The following UBTD2 variants were observed in gnomAD, a reference collection of about 807,000 sequenced individuals.
UBTD2 encodes the protein ubiquitin domain containing 2.
Under a neutral mutation model 19.8 loss-of-function variants are expected in UBTD2, and 9 were observed. The ratio of observed to expected loss-of-function variants is 0.46; its 90% CI spans 0.27 to 0.79. UBTD2 has a LOEUF of 0.79. UBTD2 is among the 30% of genes least tolerant of loss of function. The pLI is 0.14. For synonymous variants in UBTD2, 98 were observed against 103.9 expected, an observed-to-expected ratio of 0.94 and a Z score of 0.35; for missense variants, 250 against 300.4, an observed-to-expected ratio of 0.83 and a Z score of 1.24.
chr5:172,268,273 C>A (rs149698455), intron 1 of UBTD2, among the ~76,000 whole-genome samples: 2 of 151,738 alleles, frequency 1.3e-5, no homozygotes, highest in South Asian at 4.1e-4. Flanking sequence ...ATGAGAAAAA[C>A]GCTCAGAGTT....
chr5:172,251,465 CAAA>C lies in UBTD2; in HGVS notation c.71-17110_71-17108del, dbSNP rs59810255. ...CCCAAGACATTATAATCAAACTGTC[CAAA>C]AAAAAAAAAAAAAAAAAATCAGAGA... On this transcript the variant is annotated intron_variant, in intron 1 of 2. Transcript: ENST00000393792. 1.0e-3 allele frequency among the ~76,000 whole-genome samples: 94 copies of C among 91,940 alleles called. 2 individuals carry two copies. Among genetic ancestry groups the C allele is most frequent in the African/African-American group, 3.1e-3 (75 of 24,532 alleles). The allele number at this position is 91,940 out of a possible 152,430, so 60.3% of individuals were successfully genotyped here.
At chr5:172,265,892 A>T (rs908472973) in intron 1 of UBTD2, among the ~76,000 whole-genome samples, 8 of 151,702 alleles carry the variant, frequency 5.3e-5, no homozygotes, top group Admixed American at 3.3e-4. Context: ...GGGGCATGCT[A>T]GTTTTAAGAA....
intron 2 of UBTD2, among the ~76,000 whole-genome samples, chr5:172,220,719 GA>G (rs1456815383): frequency 6.6e-6 from 1 of 152,170 alleles, no homozygotes; most frequent in Non-Finnish European, 1.5e-5. Flanking sequence ...ACAAGACAAG[GA>G]TGTCCCCTCT....
intron 1 of UBTD2, among the ~76,000 whole-genome samples, chr5:172,241,937 G>C (rs547367035): frequency 6.6e-6 from 1 of 152,258 alleles, no homozygotes; most frequent in Admixed American, 6.5e-5. Context: ...AGGATCACTA[G>C]AGCCTGGGAG....
chr5:172,245,866 C>T (rs1001311681), intron 1 of UBTD2, among the ~76,000 whole-genome samples: 12 of 152,152 alleles, frequency 7.9e-5, no homozygotes, highest in African/African-American at 2.7e-4. Context: ...CAGAACATGC[C>T]GGCTGAACCT....
rs1771576473 is a variant in UBTD2, at chr5:172,217,887, T to C, written c.308-5660A>G. Among the ~76,000 whole-genome samples the C allele has an allele frequency of 3.9e-5, 6 of 152,226 alleles. No homozygotes were observed. In the South Asian group the frequency reaches 1.0e-3, roughly 26 times the overall value. ...AAGGAGAAAGAGATGAATCCACTATTATAGTTGAAGCCTTCAACACCCCTC... is the reference window on the plus strand; with the variant it reads ...AAGGAGAAAGAGATGAATCCACTATCATAGTTGAAGCCTTCAACACCCCTC... On this transcript the variant is annotated intron_variant, in intron 2 of 2. Transcript: ENST00000393792.
At chr5:172,278,030 A>C (rs1214275379) in intron 1 of UBTD2, among the ~76,000 whole-genome samples, 1 of 152,164 alleles carries the variant, frequency 6.6e-6, no homozygotes, top group Non-Finnish European at 1.5e-5. Context: ...ATGGAATATA[A>C]CAAGTGATGG....
At chr5:172,239,956 T>C (rs1387291683) in intron 1 of UBTD2, among the ~76,000 whole-genome samples, 1 of 152,214 alleles carries the variant, frequency 6.6e-6, no homozygotes, top group Non-Finnish European at 1.5e-5. Flanking sequence ...CAGATCTCTC[T>C]TTCCATTATA....
At chr5:172,234,398 T>G (rs970313290) in intron 1 of UBTD2, 40 bp from the exon 2 acceptor site, 4 of 1,528,368 alleles carry the variant, frequency 2.6e-6, no homozygotes, top group Non-Finnish European at 3.6e-6. Context: ...AACCCAAAAT[T>G]TATAAAATAT....
intron 1 of UBTD2, among the ~76,000 whole-genome samples, chr5:172,239,489 C>T (rs983896574): frequency 2.0e-5 from 3 of 152,146 alleles, no homozygotes; most frequent in Middle Eastern, 3.4e-3. Context: ...GGCATGATCT[C>T]GGCTCACTGC....
Position 172,263,721 on chromosome 5 carries a change from G to C in UBTD2, c.70+19875C>G, listed in dbSNP as rs10079260. Among the ~76,000 whole-genome samples, 1,458 of 152,254 alleles carry C rather than the reference G, an allele frequency of 9.6e-3. 32 individuals are homozygous for C. The highest frequency in any genetic ancestry group is 0.033 in the African/African-American group (1,368 of 41,542). ...AGGCAGGAGAATGGCGTGGACCCAG[G>C]AGGTGGAGCTTCAGTGAGCCGAGAT... On this transcript the variant is annotated intron_variant, in intron 1 of 2. Transcript: ENST00000393792.
At chr5:172,238,846 T>C (rs1772064248) in intron 1 of UBTD2, among the ~76,000 whole-genome samples, 1 of 151,982 alleles carries the variant, frequency 6.6e-6, no homozygotes, top group African/African-American at 2.4e-5. Context: ...ATGGATAAGG[T>C]GAAAATATCA....
At chr5:172,221,165 T>C (rs1213059626) in intron 2 of UBTD2, among the ~76,000 whole-genome samples, 1 of 152,122 alleles carries the variant, frequency 6.6e-6, no homozygotes, top group Non-Finnish European at 1.5e-5. Context: ...AAGATGTCAG[T>C]TCTTCCCAGC....
At chr5:172,270,082 A>G (rs957230272) in intron 1 of UBTD2, among the ~76,000 whole-genome samples, 1 of 150,524 alleles carries the variant, frequency 6.6e-6, no homozygotes, top group African/African-American at 2.4e-5. Flanking sequence ...GTCTCAATTT[A>G]AAAACAAAAA....
intron 2 of UBTD2, among the ~76,000 whole-genome samples, chr5:172,216,809 T>C (rs577859933): frequency 5.9e-5 from 9 of 151,712 alleles, no homozygotes; most frequent in African/African-American, 2.2e-4. Flanking sequence ...CTACAAAAAA[T>C]ACAAAAATTA....
rs544667890 is a variant in UBTD2, at chr5:172,253,602, C to T, written c.71-19244G>A. 6.2e-4 allele frequency among the ~76,000 whole-genome samples: 94 copies of T among 151,862 alleles called. 1 individual carries two copies. The highest frequency in any genetic ancestry group is 3.4e-3 in the Middle Eastern group (1 of 292). ...CCAAGTACCTGGGATTACAGGCACG[C>T]GCCACCACGCCCAGCTAATTTTTGT... is the stretch of plus-strand genomic sequence containing the variant. On this transcript the variant is annotated intron_variant, in intron 1 of 2. Transcript: ENST00000393792.
intron 1 of UBTD2, among the ~76,000 whole-genome samples, chr5:172,262,655 T>C (rs763477241): frequency 6.6e-6 from 1 of 150,530 alleles, no homozygotes; most frequent in Non-Finnish European, 1.5e-5. Flanking sequence ...CTACTAAGAA[T>C]ACAAAAAAAA....
At chr5:172,222,510 T>C (rs1771672479) in intron 2 of UBTD2, among the ~76,000 whole-genome samples, 1 of 152,158 alleles carries the variant, frequency 6.6e-6, no homozygotes, top group South Asian at 2.1e-4. Context: ...AGCATACCCA[T>C]CACAGATTTT....
intron 2 of UBTD2, among the ~76,000 whole-genome samples, chr5:172,233,742 C>T (rs1041300892): frequency 7.1e-5 from 10 of 141,134 alleles, no homozygotes; most frequent in Admixed American, 4.5e-4. Context: ...CTATCTCTAG[C>T]GCTGCTAGGA....
Sources: allele counts gnomAD v4.1 joint callset (sites outside exome capture counted in the v4.1 genomes callset), GRCh38; gene constraint gnomAD v4.1.1; transcripts MANE v1.5; gene names NCBI Gene and HGNC (gene_info 2026-07-23, HGNC 2026-07-21).